ST6GALNAC3: variants seen among roughly 807,000 people sequenced by gnomAD.
ST6GALNAC3 encodes ST6 N-acetylgalactosaminide alpha-2,6-sialyltransferase 3, also known as alpha-N-acetylgalactosaminide alpha-2,6-sialyltransferase 3.
In ST6GALNAC3, 25 loss-of-function variants were observed where a neutral mutation model predicts 32.7. That is an observed-to-expected ratio of 0.76 (90% CI 0.56 to 1.07). ST6GALNAC3 has a LOEUF of 1.07. Ranked by LOEUF, ST6GALNAC3 falls within the 50% of genes least tolerant of loss-of-function variation. ST6GALNAC3 has a pLI of 0.00. For missense variants in ST6GALNAC3, 355 were observed against 382.4 expected (o/e 0.93, Z 0.60); for synonymous variants, 129 against 133.1 (o/e 0.97, Z 0.21).
intron 2 of ST6GALNAC3, among the ~76,000 whole-genome samples, chr1:76,397,300 C>T (rs529752176): frequency 6.6e-5 from 10 of 151,538 alleles, no homozygotes; most frequent in African/African-American, 2.4e-4. Flanking sequence ...TAAATTTTTT[C>T]CTGAAAAACC....
intron 3 of ST6GALNAC3, among the ~76,000 whole-genome samples, chr1:76,477,763 A>G (rs1295994490): frequency 6.6e-6 from 1 of 152,148 alleles, no homozygotes; most frequent in Admixed American, 6.5e-5. Context: ...CAATTCATTC[A>G]GTCATTTACC....
At chr1:76,482,829 A>C (rs940324262) in intron 3 of ST6GALNAC3, among the ~76,000 whole-genome samples, 2 of 150,400 alleles carry the variant, frequency 1.3e-5, no homozygotes, top group African/African-American at 4.9e-5. Flanking sequence ...GCACCCATTA[A>C]CTCATCATTT....
chr1:76,518,181 AC>A (rs1209384222), intron 3 of ST6GALNAC3, among the ~76,000 whole-genome samples: 1 of 151,938 alleles, frequency 6.6e-6, no homozygotes, highest in South Asian at 2.1e-4. Flanking sequence ...GTTGCTAAGT[AC>A]CTATGATGTA....
intron 1 of ST6GALNAC3, among the ~76,000 whole-genome samples, chr1:76,232,217 G>C (rs1370153099): frequency 3.3e-5 from 5 of 152,210 alleles, no homozygotes; most frequent in African/African-American, 1.2e-4. Context: ...ATATTGAAAA[G>C]ATCCCTATCT....
chr1:76,156,084 T>G (rs427172), intron 1 of ST6GALNAC3, among the ~76,000 whole-genome samples: 19,666 of 142,716 alleles, frequency 0.14, 1,641 homozygotes, highest in Non-Finnish European at 0.19. Flanking sequence ...AGTAGAAGGT[T>G]CCTCTTTTGG....
intron 1 of ST6GALNAC3, among the ~76,000 whole-genome samples, chr1:76,119,348 A>G (rs1648704439): frequency 6.6e-6 from 1 of 152,220 alleles, no homozygotes; most frequent in Admixed American, 6.5e-5. Flanking sequence ...TGAAACAATG[A>G]TTGTTAAGTC....
chr1:76,582,272 A>T (rs979538060), intron 3 of ST6GALNAC3, among the ~76,000 whole-genome samples: 4 of 152,172 alleles, frequency 2.6e-5, no homozygotes, highest in Non-Finnish European at 1.5e-5. Flanking sequence ...TGAAAGTTCA[A>T]ACCTAGTTTG....
intron 3 of ST6GALNAC3, among the ~76,000 whole-genome samples, chr1:76,508,227 C>G (rs547533867): frequency 6.8e-4 from 104 of 152,202 alleles, no homozygotes; most frequent in African/African-American, 2.4e-3. Flanking sequence ...ATCCGTCGCA[C>G]GCAGAGTACA....
At chr1:76,600,717 C>G (rs1647211899) in intron 3 of ST6GALNAC3, among the ~76,000 whole-genome samples, 1 of 152,174 alleles carries the variant, frequency 6.6e-6, no homozygotes, top group African/African-American at 2.4e-5. Context: ...ATAAATGCAT[C>G]AAAGCAATAC....
chr1:76,156,774 C>G (rs1651457141), intron 1 of ST6GALNAC3, among the ~76,000 whole-genome samples: 1 of 152,214 alleles, frequency 6.6e-6, no homozygotes, highest in Admixed American at 6.5e-5. Flanking sequence ...CTCTCTCGCC[C>G]AGGCTGGAGT....
At chr1:76,378,945 G>A (rs1368857055) in intron 2 of ST6GALNAC3, among the ~76,000 whole-genome samples, 1 of 152,138 alleles carries the variant, frequency 6.6e-6, no homozygotes, top group Non-Finnish European at 1.5e-5. Flanking sequence ...CGCCCAGGCT[G>A]GAGTGCAGTG....
intron 1 of ST6GALNAC3, among the ~76,000 whole-genome samples, chr1:76,156,124 C>T (rs1446592938): frequency 6.6e-6 from 1 of 151,976 alleles, no homozygotes. Flanking sequence ...AATAATTAGA[C>T]TGGGGTTATG....
chr1:76,362,778 GC>G (rs1650069824), intron 2 of ST6GALNAC3, among the ~76,000 whole-genome samples: 1 of 152,190 alleles, frequency 6.6e-6, no homozygotes, highest in Non-Finnish European at 1.5e-5. Flanking sequence ...CAAGGGGTGG[GC>G]CCCCAAGGCC....
At chr1:76,114,602 T>A (rs1420635050) in intron 1 of ST6GALNAC3, among the ~76,000 whole-genome samples, 1 of 152,114 alleles carries the variant, frequency 6.6e-6, no homozygotes, top group South Asian at 2.1e-4. Context: ...AAGACCTACA[T>A]GGGAAGAACT....
chr1:76,375,841 T>C (rs1651181508), intron 2 of ST6GALNAC3, among the ~76,000 whole-genome samples: 1 of 152,240 alleles, frequency 6.6e-6, no homozygotes, highest in Admixed American at 6.5e-5. Context: ...GCTCTGTCAC[T>C]ACTCAAAGCT....
At chr1:76,533,625 G>A (rs955515419) in intron 3 of ST6GALNAC3, among the ~76,000 whole-genome samples, 1 of 151,938 alleles carries the variant, frequency 6.6e-6, no homozygotes, top group African/African-American at 2.4e-5. Context: ...TTCCCTCCAG[G>A]CAGAACAGGT....
At chr1:76,464,027 A>C (rs1301945787) in intron 3 of ST6GALNAC3, among the ~76,000 whole-genome samples, 1 of 151,990 alleles carries the variant, frequency 6.6e-6, no homozygotes, top group African/African-American at 2.4e-5. Flanking sequence ...TGTTCTAGTG[A>C]CTGCTCCCTC....
At chr1:76,216,909 A>T (rs181721761) in intron 1 of ST6GALNAC3, among the ~76,000 whole-genome samples, 22 of 152,304 alleles carry the variant, frequency 1.4e-4, no homozygotes, top group African/African-American at 4.8e-4. Flanking sequence ...TAAATTACAA[A>T]TCTTGTTCGG....
At chr1:76,471,269 TAAAACACCCACTG>T (rs1393483110) in intron 3 of ST6GALNAC3, among the ~76,000 whole-genome samples, 4 of 152,144 alleles carry the variant, frequency 2.6e-5, no homozygotes, top group African/African-American at 9.6e-5. Flanking sequence ...ACTGTCTTCA[TAAAACACCCACTG>T]ATTTCCTTCA....
Sources: allele counts gnomAD v4.1 joint callset (sites outside exome capture counted in the v4.1 genomes callset), GRCh38; gene constraint gnomAD v4.1.1; transcripts MANE v1.5; gene names NCBI Gene and HGNC (gene_info 2026-07-23, HGNC 2026-07-21).